Variants in CARS2 observed in about 807,000 individuals in gnomAD.
The protein encoded by CARS2 is cysteinyl-tRNA synthetase 2, mitochondrial.
In CARS2, 52 loss-of-function variants were observed where a neutral mutation model predicts 68.8. That is an observed-to-expected ratio of 0.76 (90% CI 0.61 to 0.95). The LOEUF (loss-of-function observed/expected upper bound fraction) is 0.95. Ranked by LOEUF, CARS2 falls within the 40% of genes least tolerant of loss-of-function variation. The probability of loss-of-function intolerance (pLI) is 0.00; values close to 1 mark genes in which losing one functional copy is unlikely to be tolerated. For missense variants in CARS2, 780 were observed against 754.2 expected, an observed-to-expected ratio of 1.03 and a Z score of -0.40; for synonymous variants, 314 against 303.6, an observed-to-expected ratio of 1.03 and a Z score of -0.36.
intron 3 of CARS2, among the ~76,000 whole-genome samples, chr13:110,692,577 T>G (rs2063503114): frequency 7.7e-6 from 1 of 130,360 alleles, no homozygotes; most frequent in Non-Finnish European, 1.7e-5. Flanking sequence ...TTTTTTTTTT[T>G]GCTGTTCTAT....
At chr13:110,712,772 A>G (rs2139960662) in intron 1 of CARS2, 2 of 710,236 alleles carry the variant, frequency 2.8e-6, no homozygotes, top group South Asian at 1.5e-5. Context: ...GGGCGGGAAG[A>G]GATAAGGCCT....
rs138951398 is a variant in CARS2, at chr13:110,651,067, G to A, written c.1021C>T (p.Arg341Trp). Reference sequence around the variant, plus strand: ...TAGCTGCTCCGCAGGCAGAAGAACCGGAAGACATCGGGGGAAAAGGTCTTC... The same window carrying A: ...TAGCTGCTCCGCAGGCAGAAGAACCAGAAGACATCGGGGGAAAAGGTCTTC... ...FLKTFSPDVF[R>W]FFCLRSSYRS... Residue 341 changes from arginine (R) to tryptophan (W), a missense_variant, in exon 10 of 15, where the codon CGG becomes TGG. Coordinates refer to ENST00000257347, the MANE Select transcript of CARS2 (RefSeq NM_024537.4). 30 of 1,613,418 alleles carry A rather than the reference G, an allele frequency of 1.9e-5. No homozygotes were observed. The highest frequency in any genetic ancestry group is 1.6e-4 in the Middle Eastern group (1 of 6,084).
upstream of CARS2, among the ~76,000 whole-genome samples, chr13:110,709,440 G>T (rs1243633913): frequency 2.0e-5 from 3 of 152,094 alleles, no homozygotes; most frequent in Non-Finnish European, 4.4e-5. Context: ...AAAACAAGGA[G>T]AAACATAGCT....
chr13:110,642,873 A>C, intron 13 of CARS2: 1 of 523,060 alleles, frequency 1.9e-6, no homozygotes. Context: ...GAGCAACCTG[A>C]GGATGAGGCT....
chr13:110,698,973 C>G (rs2063703852), intron 3 of CARS2, among the ~76,000 whole-genome samples: 1 of 151,848 alleles, frequency 6.6e-6, no homozygotes, highest in African/African-American at 2.4e-5. Context: ...GACCACACCA[C>G]TGCACTCCAG....
intron 6 of CARS2, among the ~76,000 whole-genome samples, chr13:110,679,597 A>AAGAAAGAAAGAGAGAGAGAG (rs1312030282): frequency 2.3e-5 from 1 of 43,618 alleles, no homozygotes; most frequent in African/African-American, 5.4e-5. Context: ...GAAAGAAAGA[A>AAGAAAGAAAGAGAGAGAGAG]AGAGAGAGAG....
chr13:110,654,957 A>C (rs1050943347), intron 9 of CARS2, among the ~76,000 whole-genome samples: 1 of 151,522 alleles, frequency 6.6e-6, no homozygotes, highest in East Asian at 1.9e-4. Context: ...AAAAAGAAAA[A>C]GAAAAAAAGG....
rs2062784369 is a variant in CARS2 at position 110,670,841 on chromosome 13, A to G, written c.786-3368T>C. On this transcript the variant is annotated intron_variant, in intron 7 of 14. Transcript: ENST00000257347. The surrounding 1 kb of genome is among the most constrained non-coding windows in gnomAD (Gnocchi z 4.1). ...AAAAAGATTAGACGAATGGCTAACC[A>G]GAATAAACAGCATAGACAAGACCTT... Among the ~76,000 whole-genome samples, 1 of 152,244 alleles carries G rather than the reference A, an allele frequency of 6.6e-6. No homozygotes were observed.
chr13:110,684,055 C>A (rs1021687562), intron 5 of CARS2, among the ~76,000 whole-genome samples: 1 of 152,098 alleles, frequency 6.6e-6, no homozygotes, highest in Non-Finnish European at 1.5e-5. Context: ...AAGAAGAAAG[C>A]ACTACCAACC....
At chr13:110,643,776 T>TATTG (rs1160232640) in intron 13 of CARS2, 2 of 193,892 alleles carry the variant, frequency 1.0e-5, no homozygotes, top group African/African-American at 2.3e-5. Context: ...CTCAAATCTG[T>TATTG]ATTGATAGAA....
rs970616488 is a variant in CARS2 at position 110,651,242 on chromosome 13, ACT to A, written c.988-144_988-143del. On this transcript the variant is annotated intron_variant, in intron 9 of 14. Coordinates refer to ENST00000257347, the MANE Select transcript of CARS2 (RefSeq NM_024537.4). ...ACCTTGATGAAAATGAGCCCTCCAAACTCACAATTACCACCTGTTTCCTGGTG... is the reference window on the plus strand; with the variant it reads ...ACCTTGATGAAAATGAGCCCTCCAAACACAATTACCACCTGTTTCCTGGTG... The A allele has an allele frequency of 1.0e-5, 6 of 574,840 alleles. No individual in the cohort carries two copies. In the African/African-American group the frequency reaches 1.2e-4, roughly 11 times the overall value. 35.6% of individuals were successfully genotyped at this position (574,840 alleles called of 1,614,324 possible).
At chr13:110,679,270 C>A (rs2063066423) in intron 6 of CARS2, among the ~76,000 whole-genome samples, 2 of 152,044 alleles carry the variant, frequency 1.3e-5, no homozygotes, top group South Asian at 4.2e-4. Flanking sequence ...TGGCTCACAC[C>A]TAGAATCCCA....
intron 3 of CARS2, among the ~76,000 whole-genome samples, chr13:110,697,593 C>A (rs533383021): frequency 1.3e-5 from 2 of 152,330 alleles, no homozygotes; most frequent in South Asian, 2.1e-4. Context: ...CAGGTGCACA[C>A]CTCCACACCC....
intron 10 of CARS2, among the ~76,000 whole-genome samples, chr13:110,650,022 C>T (rs1013991033): frequency 2.7e-5 from 4 of 150,922 alleles, no homozygotes; most frequent in African/African-American, 7.3e-5. Flanking sequence ...ACTGCACCTC[C>T]GCCTCCTGGG....
At chr13:110,666,209 G>T (rs1594292326) in intron 8 of CARS2, 1 of 985,264 alleles carries the variant, frequency 1.0e-6, no homozygotes, top group Non-Finnish European at 1.2e-6. Flanking sequence ...ACTGGGCAGC[G>T]TGCACCCCCT....
chr13:110,712,879 C>T (rs745471892), intron 1 of CARS2: 4 of 1,389,836 alleles, frequency 2.9e-6, no homozygotes, highest in African/African-American at 1.4e-5. Context: ...CCGTTCCAAA[C>T]TGAGTACCGG....
chr13:110,687,716 C>G lies in CARS2; in HGVS notation c.571+5G>C, dbSNP rs1005137257. 8.4e-6 allele frequency: 13 copies of G among 1,545,174 alleles called. No individual in the cohort carries two copies. Among genetic ancestry groups the G allele is most frequent in the Non-Finnish European group, 1.1e-5 (12 of 1,127,748 alleles). Reference sequence around the variant, plus strand: ...AGAAAAAAAAAAAAAGAACATAAACCCTACCTTTTGCCGTTGAATAAGCGT... The same window carrying G: ...AGAAAAAAAAAAAAAGAACATAAACGCTACCTTTTGCCGTTGAATAAGCGT... On this transcript the variant is annotated splice_donor_5th_base_variant and intron_variant, in intron 5 of 14. Transcript: ENST00000257347.
chr13:110,676,833 T>C lies in CARS2; in HGVS notation c.785+141A>G. On this transcript the variant is annotated intron_variant, in intron 7 of 14. Transcript: ENST00000257347. This position sits in a 1 kb window ranked among gnomAD's most constrained non-coding sequence, Gnocchi z 4.0. The stretch of plus-strand genomic sequence containing the variant: ...CACCCCGTTCCATGGCCCGTCACAC[T>C]CCGGCAAAAATCTCTTCCCAAAAAA... 1 of 1,137,230 alleles carries C rather than the reference T, an allele frequency of 8.8e-7. No homozygotes were observed. The highest frequency in any genetic ancestry group is 1.2e-6 in the Non-Finnish European group (1 of 832,362). The allele number at this position is 1,137,230 out of a possible 1,614,324, so 70.4% of individuals were successfully genotyped here.
chr13:110,678,630 C>T (rs1473256009), intron 6 of CARS2, among the ~76,000 whole-genome samples: 2 of 152,194 alleles, frequency 1.3e-5, no homozygotes, highest in Middle Eastern at 3.2e-3. Context: ...TCAATAACAC[C>T]TTATGCCGAA....
Sources: gnomAD v4.1 joint callset for allele counts (sites outside exome capture counted in the v4.1 genomes callset) on GRCh38, gnomAD v4.1.1 for gene constraint, Gnocchi (gnomAD v3.1) non-coding constraint, MANE v1.5 for transcripts, NCBI Gene and HGNC (gene_info 2026-07-23, HGNC 2026-07-21) for gene names.